The following TENM3 variants were observed in gnomAD, a reference collection of about 807,000 sequenced individuals.
TENM3 encodes the protein teneurin transmembrane protein 3, also known as teneurin-3.
Under a neutral mutation model 255.1 loss-of-function variants are expected in TENM3, and 63 were observed. The observed-to-expected ratio is 0.25, with a 90% CI of 0.20 to 0.30. The LOEUF (loss-of-function observed/expected upper bound fraction) is 0.30, where lower values mean the gene tolerates loss of function less well. Among genes scored for constraint, TENM3 ranks in the 10% least tolerant of loss-of-function variants. The probability of loss-of-function intolerance (pLI) is 1.00; values close to 1 mark genes in which losing one functional copy is unlikely to be tolerated. For missense variants in TENM3, 2,929 were observed against 3,461.1 expected, an observed-to-expected ratio of 0.85 and a Z score of 3.86; for synonymous variants, 1,306 against 1,322.3, an observed-to-expected ratio of 0.99 and a Z score of 0.27.
At chr4:181,788,063 G>GT in the TENM3 span, among the ~76,000 whole-genome samples, 2 of 152,060 alleles carry the variant, frequency 1.3e-5, no homozygotes, top group African/African-American at 4.8e-5. Flanking sequence ...TTGGGTTTGT[G>GT]TTTTTTCTGG....
the TENM3 span, among the ~76,000 whole-genome samples, chr4:182,005,925 C>T: frequency 3.3e-5 from 5 of 152,046 alleles, no homozygotes; most frequent in East Asian, 1.9e-4. Flanking sequence ...ATTTTGTATC[C>T]GGAGACTTTG....
At chr4:181,600,655 G>GT in the TENM3 span, among the ~76,000 whole-genome samples, 2,425 of 151,790 alleles carry the variant, frequency 0.016, 86 homozygotes, top group African/African-American at 0.056. Flanking sequence ...GGGCTTCTGG[G>GT]TGGGAGCCAT....
At chr4:181,631,630 G>A in the TENM3 span, among the ~76,000 whole-genome samples, 1 of 152,074 alleles carries the variant, frequency 6.6e-6, no homozygotes, top group African/African-American at 2.4e-5. Context: ...ATTAGACCAG[G>A]CCCACCCAAG....
chr4:182,638,739 C>A (rs1356936950), intron 5 of TENM3, among the ~76,000 whole-genome samples: 1 of 152,208 alleles, frequency 6.6e-6, no homozygotes, highest in African/African-American at 2.4e-5. Flanking sequence ...CATTGGCTGG[C>A]TCTGTCCTGG....
chr4:181,780,877 G>A, the TENM3 span, among the ~76,000 whole-genome samples: 1 of 152,134 alleles, frequency 6.6e-6, no homozygotes, highest in African/African-American at 2.4e-5. Context: ...ATTAAATAGG[G>A]AATCCTTTCC....
At chr4:182,470,727 T>A (rs1561482157) in intron 3 of TENM3, among the ~76,000 whole-genome samples, 1 of 152,200 alleles carries the variant, frequency 6.6e-6, no homozygotes, top group Non-Finnish European at 1.5e-5. Flanking sequence ...TAGAAAGCTC[T>A]AAAACTTCAC....
chr4:182,621,641 A>T (rs1433722769), intron 4 of TENM3, among the ~76,000 whole-genome samples: 20 of 38,910 alleles, frequency 5.1e-4, no homozygotes, highest in Non-Finnish European at 6.3e-5. Context: ...TATAATATAT[A>T]ATACATATTA....
At chr4:182,027,104 TG>T in the TENM3 span, among the ~76,000 whole-genome samples, 5 of 152,244 alleles carry the variant, frequency 3.3e-5, no homozygotes, top group Non-Finnish European at 5.9e-5. Flanking sequence ...AGAATTTTTT[TG>T]GTTCCCTCTT....
intron 1 of TENM3, among the ~76,000 whole-genome samples, chr4:182,283,882 T>A (rs984652785): frequency 3.2e-4 from 49 of 152,330 alleles, no homozygotes; most frequent in African/African-American, 1.1e-3. Flanking sequence ...ACTGAGGAGT[T>A]ATTTTTAAGC....
intron 3 of TENM3, among the ~76,000 whole-genome samples, chr4:182,397,873 C>T (rs1237294414): frequency 1.3e-5 from 2 of 152,138 alleles, no homozygotes; most frequent in East Asian, 1.9e-4. Flanking sequence ...CAAATGACTG[C>T]GCTCTACTTC....
chr4:182,314,360 T>G (rs1270085725), intron 1 of TENM3, among the ~76,000 whole-genome samples: 1 of 152,180 alleles, frequency 6.6e-6, no homozygotes, highest in African/African-American at 2.4e-5. Context: ...CCATTGCTTC[T>G]TACAATGTCA....
intron 3 of TENM3, among the ~76,000 whole-genome samples, chr4:182,469,826 A>G (rs1052640455): frequency 4.6e-5 from 7 of 152,200 alleles, no homozygotes; most frequent in Non-Finnish European, 7.3e-5. Context: ...GAGAAATTCA[A>G]GTAGCTTTCT....
intron 3 of TENM3, among the ~76,000 whole-genome samples, chr4:182,474,508 G>A (rs1027923888): frequency 1.3e-5 from 2 of 152,072 alleles, no homozygotes; most frequent in African/African-American, 2.4e-5. Flanking sequence ...AGACATTGTG[G>A]CAACTCAAAA....
At chr4:181,745,597 A>C in the TENM3 span, among the ~76,000 whole-genome samples, 1 of 152,124 alleles carries the variant, frequency 6.6e-6, no homozygotes, top group Non-Finnish European at 1.5e-5. Flanking sequence ...ATTGCAAAGT[A>C]ATTGCCATAA....
At chr4:181,883,389 A>G in the TENM3 span, among the ~76,000 whole-genome samples, 1 of 152,170 alleles carries the variant, frequency 6.6e-6, no homozygotes, top group Non-Finnish European at 1.5e-5. Context: ...AATACTACAT[A>G]CCATGTCACT....
the TENM3 span, among the ~76,000 whole-genome samples, chr4:181,471,862 TA>T: frequency 1.3e-5 from 2 of 151,990 alleles, no homozygotes; most frequent in Non-Finnish European, 2.9e-5. Context: ...GACCCAGAAA[TA>T]GTTGTGTATT....
chr4:182,006,921 C>G, the TENM3 span, among the ~76,000 whole-genome samples: 6 of 152,166 alleles, frequency 3.9e-5, no homozygotes, highest in South Asian at 1.2e-3. Flanking sequence ...GATTCTAGTA[C>G]GTTGTCTCTT....
At chr4:182,538,754 T>G (rs887806810) in intron 3 of TENM3, among the ~76,000 whole-genome samples, 1 of 152,074 alleles carries the variant, frequency 6.6e-6, no homozygotes, top group African/African-American at 2.4e-5. Flanking sequence ...AATACTAATA[T>G]AGTATGGATG....
intron 1 of TENM3, among the ~76,000 whole-genome samples, chr4:182,291,869 CT>C (rs1257190258): frequency 6.6e-6 from 1 of 152,044 alleles, no homozygotes; most frequent in Non-Finnish European, 1.5e-5. Context: ...TTAAACTCAG[CT>C]GTGTGTGTAG....
Sources: gnomAD v4.1 joint callset for allele counts (sites outside exome capture counted in the v4.1 genomes callset) on GRCh38, gnomAD v4.1.1 for gene constraint, MANE v1.5 for transcripts, NCBI Gene and HGNC (gene_info 2026-07-23, HGNC 2026-07-21) for gene names.